The following DNAH12 variants were observed in gnomAD, a reference collection of about 807,000 sequenced individuals.
DNAH12 encodes dynein axonemal heavy chain 12, also known as axonemal beta dynein heavy chain 12.
A neutral mutation model predicts 371.5 loss-of-function variants in DNAH12; 285 were observed. The observed-to-expected ratio is 0.77, with a 90% confidence interval of 0.70 to 0.85. The LOEUF (loss-of-function observed/expected upper bound fraction) is 0.85. Among genes scored for constraint, DNAH12 ranks in the 40% least tolerant of loss-of-function variants. The pLI is 0.00. For missense variants in DNAH12, 3,611 were observed against 3,689.4 expected, an observed-to-expected ratio of 0.98 and a Z score of 0.55; for synonymous variants, 1,200 against 1,213.0, an observed-to-expected ratio of 0.99 and a Z score of 0.22.
chr3:57,385,291 G>C (rs2063478942), intron 48 of DNAH12, 58 bp downstream of exon 48: 1 of 152,146 alleles, frequency 6.6e-6, no homozygotes, highest in Non-Finnish European at 1.5e-5. Context: ...TTATTTTCAA[G>C]GCTAATTTTA....
chr3:57,309,639 A>G (rs1230840537), intron 68 of DNAH12, 27 bp downstream of exon 68: 4 of 1,430,890 alleles, frequency 2.8e-6, no homozygotes, highest in Non-Finnish European at 3.7e-6. Context: ...TTATATTATA[A>G]GTAACATATT....
intron 5 of DNAH12, 97 bp from the exon 6 acceptor site, chr3:57,509,309 T>C (rs763973804): frequency 3.5e-6 from 4 of 1,156,086 alleles, no homozygotes; most frequent in Non-Finnish European, 5.0e-6. Context: ...TATAGTTTAC[T>C]GTGCATTAAA....
At position 57,310,860 on chromosome 3, in the gene DNAH12, A is replaced by G. The variant is rs2061569348; in HGVS notation, c.10753T>C (p.Trp3585Arg). The change falls in exon 67 of 74, where the codon TGG (tryptophan) becomes CGG (arginine). Residue 3585 changes from tryptophan (W) to arginine (R), a missense_variant. This residue lies in a region of DNAH12 where 2,266 missense variants were observed against 2,236.9 expected (regional missense o/e 1.01). Coordinates refer to ENST00000495027, the MANE Select transcript of DNAH12 (RefSeq NM_001366028.2). Reference protein sequence around the residue: ...CNYGGRVTDDWDRRLLLTMLA... With the variant: ...CNYGGRVTDDRDRRLLLTMLA... ...ATGGTTAATAGAAGACGTCTGTCCCAATCGTCTGTCACTCTTCCTCCATAA... is the reference window on the plus strand; with the variant it reads ...ATGGTTAATAGAAGACGTCTGTCCCGATCGTCTGTCACTCTTCCTCCATAA... 6.4e-7 allele frequency: 1 copy of G among 1,551,510 alleles called. No homozygotes were observed. Among genetic ancestry groups the G allele is most frequent in the African/African-American group, 1.4e-5 (1 of 73,062 alleles).
At chr3:57,444,857 G>A (rs1337883961) in intron 28 of DNAH12, 41 bp from the exon 29 acceptor site, 3 of 1,522,640 alleles carry the variant, frequency 2.0e-6, no homozygotes, top group African/African-American at 2.8e-5. Flanking sequence ...TTAGTTGCCA[G>A]CAATTGCAAC....
At chr3:57,414,773 G>A (rs1218621400) in intron 38 of DNAH12, among the ~76,000 whole-genome samples, 1 of 152,086 alleles carries the variant, frequency 6.6e-6, no homozygotes. Context: ...TTCAAATAAA[G>A]CTCCACAGTA....
intron 71 of DNAH12, 149 bp downstream of exon 71, chr3:57,296,698 T>C: frequency 2.0e-6 from 2 of 1,001,820 alleles, no homozygotes; most frequent in Non-Finnish European, 2.8e-6. Flanking sequence ...TATTGCAATA[T>C]ATAAAAGTTC....
intron 12 of DNAH12, among the ~76,000 whole-genome samples, chr3:57,487,639 C>T (rs539238177): frequency 2.6e-5 from 4 of 152,142 alleles, no homozygotes; most frequent in African/African-American, 9.6e-5. Flanking sequence ...TTGTACTTAA[C>T]CTAGGGGCAC....
At chr3:57,329,971 A>G (rs2062053922) in intron 62 of DNAH12, among the ~76,000 whole-genome samples, 1 of 151,624 alleles carries the variant, frequency 6.6e-6, no homozygotes, top group African/African-American at 2.4e-5. Context: ...AATGCTCACC[A>G]TCACTGGCCA....
chr3:57,368,699 G>A (rs987072717), intron 55 of DNAH12, among the ~76,000 whole-genome samples: 11 of 152,158 alleles, frequency 7.2e-5, no homozygotes, highest in Non-Finnish European at 1.5e-4. Flanking sequence ...CTCAGATTAT[G>A]AGTAGAATTA....
At chr3:57,457,600 G>A (rs1189247924) in intron 22 of DNAH12, 121 bp downstream of exon 22, 36 of 1,101,438 alleles carry the variant, frequency 3.3e-5, no homozygotes, top group Non-Finnish European at 4.2e-5. Flanking sequence ...AAACAAAGAA[G>A]TAAAGAAAAT....
chr3:57,307,769 A>G (rs1196864244), intron 69 of DNAH12, among the ~76,000 whole-genome samples: 1 of 152,028 alleles, frequency 6.6e-6, no homozygotes, highest in Admixed American at 6.6e-5. Flanking sequence ...CCTGACCCCC[A>G]TAACTGTATC....
rs1209509158 is a variant in DNAH12 at position 57,413,906 on chromosome 3, T to C, written c.5860A>G (p.Ile1954Val). The C allele has an allele frequency of 3.9e-6, 6 of 1,549,692 alleles. No individual in the cohort carries two copies. Among genetic ancestry groups the C allele is most frequent in the Non-Finnish European group, 5.2e-6 (6 of 1,146,336 alleles). Reference protein sequence around the residue: ...RTSANQVQNIIMARLDKRRKG... With the variant: ...RTSANQVQNIVMARLDKRRKG... ...CGTCTTTTATCCAATCTAGCCATGATAATGTTCTAAAATATGAAGGAAGAA... is the reference window on the plus strand; with the variant it reads ...CGTCTTTTATCCAATCTAGCCATGACAATGTTCTAAAATATGAAGGAAGAA... Residue 1954 changes from isoleucine (I) to valine (V), a missense_variant, in exon 39 of 74, where the codon ATC becomes GTC. By Grantham distance (29) the Ile-to-Val change is conservative (BLOSUM62 3). Around this residue, in one of 3 missense-constraint regions of DNAH12, gnomAD observed 2,266 missense variants for 2,236.9 expected, o/e 1.01. Coordinates refer to ENST00000495027, the MANE Select transcript of DNAH12 (RefSeq NM_001366028.2).
At chr3:57,436,895 T>C in intron 30 of DNAH12, 56 bp downstream of exon 30, 1 of 1,201,614 alleles carries the variant, frequency 8.3e-7, no homozygotes, top group Non-Finnish European at 1.1e-6. Context: ...GGATTTTAGT[T>C]GTTTTACCAG....
chr3:57,445,667 T>G (rs1039618094), intron 27 of DNAH12, among the ~76,000 whole-genome samples: 1 of 149,536 alleles, frequency 6.7e-6, no homozygotes, highest in Non-Finnish European at 1.5e-5. Flanking sequence ...TGGATTATGC[T>G]GGGTTTTTTT....
At chr3:57,439,980 C>A (rs2153368537) in intron 29 of DNAH12, among the ~76,000 whole-genome samples, 1 of 152,114 alleles carries the variant, frequency 6.6e-6, no homozygotes, top group African/African-American at 2.4e-5. Flanking sequence ...CAATGAGATA[C>A]CATCTCATAC....
intron 2 of DNAH12, among the ~76,000 whole-genome samples, chr3:57,532,927 A>G (rs2068900819): frequency 6.6e-6 from 1 of 152,184 alleles, no homozygotes; most frequent in Admixed American, 6.5e-5. Flanking sequence ...TCAGGAGGTG[A>G]GTTCCCCAAG....
At chr3:57,438,562 G>C (rs546143072) in intron 29 of DNAH12, among the ~76,000 whole-genome samples, 1 of 152,198 alleles carries the variant, frequency 6.6e-6, no homozygotes, top group African/African-American at 2.4e-5. Context: ...TCCTGAAACT[G>C]ATAAATGACT....
At chr3:57,318,467 T>C (rs1386967983) in intron 65 of DNAH12, among the ~76,000 whole-genome samples, 3 of 152,136 alleles carry the variant, frequency 2.0e-5, no homozygotes, top group Non-Finnish European at 4.4e-5. Flanking sequence ...CAGTTGACCT[T>C]ATATGTGTAG....
At chr3:57,418,289 T>C (rs973360918) in intron 37 of DNAH12, among the ~76,000 whole-genome samples, 1 of 145,684 alleles carries the variant, frequency 6.9e-6, no homozygotes, top group African/African-American at 2.6e-5. Flanking sequence ...GGTGTAATCC[T>C]AGCACTTTGA....
Sources: gnomAD v4.1 joint callset for allele counts (sites outside exome capture counted in the v4.1 genomes callset) on GRCh38, gnomAD v4.1.1 for gene constraint, gnomAD v4.1.1 regional missense constraint, MANE v1.5 for transcripts, NCBI Gene and HGNC (gene_info 2026-07-23, HGNC 2026-07-21) for gene names.